The following C12orf42 variants were observed in gnomAD, a reference collection of about 807,000 sequenced individuals.
C12orf42 encodes chromosome 12 open reading frame 42.
C12orf42 carries 25 observed loss-of-function variants against 21.6 expected under a neutral mutation model. That is an observed-to-expected ratio of 1.16 (90% CI 0.84 to 1.62). The LOEUF (loss-of-function observed/expected upper bound fraction) is 1.62, where lower values mean the gene tolerates loss of function less well. Ranked by LOEUF, C12orf42 falls within the 40% of genes most tolerant of loss-of-function variation. The pLI is 0.00. For missense variants in C12orf42, 483 were observed against 459.3 expected, an observed-to-expected ratio of 1.05 and a Z score of -0.47; for synonymous variants, 174 against 175.0, an observed-to-expected ratio of 0.99 and a Z score of 0.05.
chr12:103,463,873 CTCTA>C (rs1952911269), intron 2 of C12orf42, among the ~76,000 whole-genome samples: 1 of 152,178 alleles, frequency 6.6e-6, no homozygotes, highest in African/African-American at 2.4e-5. Context: ...TGGCTTCCAG[CTCTA>C]TCTGTGTCCC....
At chr12:103,100,893 G>A in the C12orf42 span, among the ~76,000 whole-genome samples, 1 of 152,172 alleles carries the variant, frequency 6.6e-6, no homozygotes. Flanking sequence ...GTTTTTGGAT[G>A]ACTAGGAGTA....
At chr12:103,553,270 T>C in the C12orf42 span, among the ~76,000 whole-genome samples, 1 of 152,180 alleles carries the variant, frequency 6.6e-6, no homozygotes, top group African/African-American at 2.4e-5. Flanking sequence ...GAGCCACTGG[T>C]CGAATCCTAC....
chr12:103,064,737 C>G, the C12orf42 span, among the ~76,000 whole-genome samples: 4 of 151,924 alleles, frequency 2.6e-5, no homozygotes, highest in Non-Finnish European at 4.4e-5. Flanking sequence ...ACCAGGGTAA[C>G]TGTATTGGGG....
At chr12:103,384,666 A>C (rs1566205163) in intron 3 of C12orf42, among the ~76,000 whole-genome samples, 2 of 152,350 alleles carry the variant, frequency 1.3e-5, no homozygotes, top group South Asian at 2.1e-4. Flanking sequence ...CCAATCAGAG[A>C]CTAAAGAGCA....
intron 4 of C12orf42, among the ~76,000 whole-genome samples, chr12:103,318,681 C>G (rs1300875019): frequency 6.6e-6 from 1 of 151,990 alleles, no homozygotes; most frequent in Non-Finnish European, 1.5e-5. Flanking sequence ...AGTTTCAGTC[C>G]CTTTCCTTTC....
intron 5 of C12orf42, among the ~76,000 whole-genome samples, chr12:103,273,444 C>T (rs148268064): frequency 1.4e-3 from 215 of 152,154 alleles, no homozygotes; most frequent in Non-Finnish European, 2.5e-3. Context: ...GTATATTGGC[C>T]ATTTTAGACT....
intron 2 of C12orf42, among the ~76,000 whole-genome samples, chr12:103,406,730 C>T (rs1455135652): frequency 1.3e-5 from 2 of 152,084 alleles, no homozygotes; most frequent in African/African-American, 2.4e-5. Flanking sequence ...GCATAAGGTA[C>T]CAGGGGAGCT....
rs1010072428 is a variant in C12orf42 at position 103,338,656 on chromosome 12, C to CT, written c.259+30230dup. Among the ~76,000 whole-genome samples the CT allele has an allele frequency of 5.2e-3, 789 of 152,110 alleles. 4 individuals are homozygous for CT. The highest frequency in any genetic ancestry group is 0.018 in the African/African-American group (739 of 41,464). The stretch of plus-strand genomic sequence containing the variant: ...TTTATTTTTTCCCAACATATTCGCC[C>CT]TTTTTTTTAGAGCATAGATTTATTC... On this transcript the variant is annotated intron_variant, in intron 4 of 5. Coordinates refer to ENST00000548883, the MANE Select transcript of C12orf42 (RefSeq NM_198521.5).
chr12:103,088,474 T>G, the C12orf42 span, among the ~76,000 whole-genome samples: 8 of 152,218 alleles, frequency 5.3e-5, no homozygotes, highest in Admixed American at 2.6e-4. Flanking sequence ...ATTAACCAGT[T>G]GGTTTTACTA....
At chr12:103,050,683 T>A in the C12orf42 span, among the ~76,000 whole-genome samples, 2 of 151,958 alleles carry the variant, frequency 1.3e-5, no homozygotes, top group African/African-American at 4.8e-5. Flanking sequence ...GAGACCCAGA[T>A]AACCAAAACT....
At chr12:103,120,079 C>G in the C12orf42 span, among the ~76,000 whole-genome samples, 25 of 152,230 alleles carry the variant, frequency 1.6e-4, no homozygotes, top group African/African-American at 6.0e-4. Flanking sequence ...CCAGGACATA[C>G]ATACTTAACT....
At chr12:103,479,905 C>T (rs1013171447) in intron 1 of C12orf42, among the ~76,000 whole-genome samples, 1 of 151,794 alleles carries the variant, frequency 6.6e-6, no homozygotes, top group African/African-American at 2.4e-5. Context: ...TGCCTTTTTC[C>T]ACTTTATAAT....
intron 4 of C12orf42, among the ~76,000 whole-genome samples, chr12:103,277,931 TA>T (rs2136292819): frequency 6.6e-6 from 1 of 152,322 alleles, no homozygotes; most frequent in South Asian, 2.1e-4. Context: ...CACAATTTTT[TA>T]ATTCTATTAA....
chr12:103,381,873 C>T (rs182241265), intron 3 of C12orf42, among the ~76,000 whole-genome samples: 16 of 151,934 alleles, frequency 1.1e-4, no homozygotes, highest in Non-Finnish European at 1.2e-4. Context: ...GCCAAGATCA[C>T]GCCACTGCAC....
chr12:103,086,282 A>C, the C12orf42 span, among the ~76,000 whole-genome samples: 3 of 152,038 alleles, frequency 2.0e-5, no homozygotes, highest in African/African-American at 7.2e-5. Context: ...TGAGCTGCTA[A>C]CACTTCCTAA....
the C12orf42 span, among the ~76,000 whole-genome samples, chr12:103,521,554 T>C: frequency 6.6e-6 from 1 of 152,042 alleles, no homozygotes; most frequent in Non-Finnish European, 1.5e-5. Context: ...AGGGAGAGCA[T>C]CAGAATAAAT....
chr12:103,412,300 A>C (rs1186981207), intron 2 of C12orf42, among the ~76,000 whole-genome samples: 1 of 152,240 alleles, frequency 6.6e-6, no homozygotes, highest in African/African-American at 2.4e-5. Flanking sequence ...ACCTCCGCTA[A>C]ACAGTAATAA....
At chr12:103,478,295 G>A in intron 2 of C12orf42, 54 bp downstream of exon 2, 1 of 1,164,374 alleles carries the variant, frequency 8.6e-7, no homozygotes, top group South Asian at 1.4e-5. Flanking sequence ...CTGAAATGGA[G>A]CAAACCTATT....
At chr12:103,089,491 C>T in the C12orf42 span, among the ~76,000 whole-genome samples, 8 of 152,064 alleles carry the variant, frequency 5.3e-5, no homozygotes, top group Non-Finnish European at 1.0e-4. Context: ...CATACTGGCC[C>T]GTAAGAAATC....
Sources: gnomAD v4.1 joint callset for allele counts (sites outside exome capture counted in the v4.1 genomes callset) on GRCh38, gnomAD v4.1.1 for gene constraint, MANE v1.5 for transcripts, NCBI Gene and HGNC (gene_info 2026-07-23, HGNC 2026-07-21) for gene names.